AGBL1: variants seen among roughly 807,000 people sequenced by gnomAD.
AGBL1 encodes AGBL carboxypeptidase 1.
AGBL1 carries 130 observed loss-of-function variants against 118.9 expected under a neutral mutation model. The ratio of observed to expected loss-of-function variants is 1.09; its 90% CI spans 0.95 to 1.26. AGBL1 has a LOEUF of 1.26. Ranked by LOEUF, AGBL1 falls within the 50% of genes most tolerant of loss-of-function variation. AGBL1 has a pLI of 0.00. For synonymous variants in AGBL1, 555 were observed against 478.9 expected, an observed-to-expected ratio of 1.16 and a Z score of -2.08; for missense variants, 1,584 against 1,298.1, an observed-to-expected ratio of 1.22 and a Z score of -3.38.
chr15:86,180,383 T>A (rs2077536157), intron 5 of AGBL1, among the ~76,000 whole-genome samples: 2 of 152,130 alleles, frequency 1.3e-5, no homozygotes, highest in Admixed American at 1.3e-4. Flanking sequence ...AATAAACCCA[T>A]GCATGAACAA....
At chr15:86,196,628 A>G (rs140088169) in intron 5 of AGBL1, among the ~76,000 whole-genome samples, 114 of 152,272 alleles carry the variant, frequency 7.5e-4, no homozygotes, top group Admixed American at 1.2e-3. Context: ...CAAGTAGATC[A>G]CTAACAACGT....
At chr15:86,506,400 C>A (rs1185207396) in intron 18 of AGBL1, among the ~76,000 whole-genome samples, 1 of 152,006 alleles carries the variant, frequency 6.6e-6, no homozygotes, top group Non-Finnish European at 1.5e-5. Flanking sequence ...ATCTGGGAGA[C>A]CCATGATGTT....
At chr15:86,366,798 T>C (rs530040867) in intron 17 of AGBL1, among the ~76,000 whole-genome samples, 2 of 152,296 alleles carry the variant, frequency 1.3e-5, no homozygotes, top group East Asian at 3.9e-4. Context: ...ACAAACTATA[T>C]GATCTTGGGG....
At chr15:86,751,584 T>C (rs1357231744) in intron 22 of AGBL1, among the ~76,000 whole-genome samples, 1 of 152,058 alleles carries the variant, frequency 6.6e-6, no homozygotes, top group Non-Finnish European at 1.5e-5. Context: ...CAACAGAGCA[T>C]TTTATATATT....
At chr15:86,113,273 CTTTT>C (rs1312478666) in intron 1 of AGBL1, among the ~76,000 whole-genome samples, 2 of 64,002 alleles carry the variant, frequency 3.1e-5, no homozygotes, top group East Asian at 7.8e-4. Context: ...TTCTTTCTTT[CTTTT>C]TCTTTCTTTC....
chr15:86,839,186 T>G (rs1374615489), intron 22 of AGBL1, among the ~76,000 whole-genome samples: 1 of 151,906 alleles, frequency 6.6e-6, no homozygotes, highest in Non-Finnish European at 1.5e-5. Flanking sequence ...CATTTAGGAG[T>G]TGCAACATCA....
chr15:86,121,618 G>A (rs1567068003), intron 1 of AGBL1, among the ~76,000 whole-genome samples: 2 of 152,218 alleles, frequency 1.3e-5, no homozygotes, highest in Non-Finnish European at 2.9e-5. Flanking sequence ...AAGAACTGAA[G>A]TCTGAGTTTC....
intron 24 of AGBL1, among the ~76,000 whole-genome samples, chr15:86,995,942 GA>G (rs1481408226): frequency 6.6e-6 from 1 of 151,906 alleles, no homozygotes; most frequent in Non-Finnish European, 1.5e-5. Context: ...GAAATTATTC[GA>G]AACACTAATG....
intron 22 of AGBL1, among the ~76,000 whole-genome samples, chr15:86,684,410 C>A (rs1345125354): frequency 6.6e-6 from 1 of 152,020 alleles, no homozygotes; most frequent in Non-Finnish European, 1.5e-5. Context: ...CTTTTGCTGT[C>A]CTGTAAATTT....
At chr15:86,719,070 G>A (rs2086679102) in intron 22 of AGBL1, among the ~76,000 whole-genome samples, 4 of 152,072 alleles carry the variant, frequency 2.6e-5, no homozygotes, top group Admixed American at 2.6e-4. Flanking sequence ...AAGTTCATGG[G>A]AATGGCTCTC....
intron 5 of AGBL1, among the ~76,000 whole-genome samples, chr15:86,213,283 T>C (rs1288707602): frequency 1.3e-5 from 2 of 152,178 alleles, no homozygotes; most frequent in Non-Finnish European, 1.5e-5. Flanking sequence ...GGATCTTGAG[T>C]ATTTGACCTG....
chr15:86,928,218 T>G (rs1480859959), intron 23 of AGBL1, among the ~76,000 whole-genome samples: 1 of 152,142 alleles, frequency 6.6e-6, no homozygotes, highest in Non-Finnish European at 1.5e-5. Flanking sequence ...GTAAGGATGC[T>G]GAGCCCTTGG....
At chr15:86,513,877 G>A (rs182388834) in intron 18 of AGBL1, among the ~76,000 whole-genome samples, 22 of 151,982 alleles carry the variant, frequency 1.4e-4, no homozygotes, top group Middle Eastern at 3.4e-3. Context: ...TGATCTCTGC[G>A]TCATTTCAAC....
At chr15:86,713,947 G>A (rs988178621) in intron 22 of AGBL1, among the ~76,000 whole-genome samples, 2 of 152,174 alleles carry the variant, frequency 1.3e-5, no homozygotes, top group African/African-American at 4.8e-5. Flanking sequence ...CATGCATGAT[G>A]GGTGTCTACG....
chr15:87,006,004 C>T (rs1351204129), intron 24 of AGBL1, among the ~76,000 whole-genome samples: 1 of 152,230 alleles, frequency 6.6e-6, no homozygotes, highest in South Asian at 2.1e-4. Context: ...GGCTGCAGAA[C>T]AGCAAATATT....
At chr15:86,098,144 T>G (rs1310666047) in intron 1 of AGBL1, among the ~76,000 whole-genome samples, 1 of 152,184 alleles carries the variant, frequency 6.6e-6, no homozygotes, top group Non-Finnish European at 1.5e-5. Context: ...TCAAACCCTT[T>G]GCCCACTTTG....
chr15:86,754,541 A>C (rs1369485240), intron 22 of AGBL1, among the ~76,000 whole-genome samples: 1 of 152,022 alleles, frequency 6.6e-6, no homozygotes, highest in Non-Finnish European at 1.5e-5. Context: ...GTGTCTGTCC[A>C]TGAGTCCAAA....
At chr15:86,770,439 C>A (rs1222983263) in intron 22 of AGBL1, among the ~76,000 whole-genome samples, 1 of 151,898 alleles carries the variant, frequency 6.6e-6, no homozygotes, top group East Asian at 1.9e-4. Flanking sequence ...CTGCTAAACA[C>A]CTTAGAATTC....
chr15:86,571,572 A>G (rs1159406730), intron 21 of AGBL1, among the ~76,000 whole-genome samples: 1 of 152,114 alleles, frequency 6.6e-6, no homozygotes, highest in Non-Finnish European at 1.5e-5. Flanking sequence ...CCTCTCTGCT[A>G]GGCAGGTCAT....
Sources: allele counts gnomAD v4.1 joint callset (sites outside exome capture counted in the v4.1 genomes callset), GRCh38; gene constraint gnomAD v4.1.1; transcripts MANE v1.5; gene names NCBI Gene and HGNC (gene_info 2026-07-23, HGNC 2026-07-21).